Variants in ADSS1 observed in about 807,000 individuals in gnomAD.
ADSS1 encodes the protein adenylosuccinate synthase 1, also known as adenylosuccinate synthetase isozyme 1.
ADSS1 carries 57 observed loss-of-function variants against 59.1 expected under a neutral mutation model. The observed-to-expected ratio is 0.97, with a 90% confidence interval of 0.78 to 1.20. The LOEUF (loss-of-function observed/expected upper bound fraction) is 1.20. Ranked by LOEUF, ADSS1 falls within the 50% of genes most tolerant of loss-of-function variation. The pLI is 0.00. For missense variants in ADSS1, 603 were observed against 610.3 expected, an observed-to-expected ratio of 0.99 and a Z score of 0.13; for synonymous variants, 247 against 249.4, an observed-to-expected ratio of 0.99 and a Z score of 0.09.
chr14:104,734,909 A>T (rs1891060005), intron 1 of ADSS1, 111 bp from the exon 2 acceptor site: 2 of 892,870 alleles, frequency 2.2e-6, no homozygotes, highest in African/African-American at 3.3e-5. Flanking sequence ...GACACCCCAA[A>T]ATCCAACAGC....
rs1411657095 is a variant in ADSS1 at position 104,741,359 on chromosome 14, C to T, written c.793+116C>T. 27 of 1,364,854 alleles carry T rather than the reference C, an allele frequency of 2.0e-5. 1 individual carries two copies. In the South Asian group the frequency reaches 3.4e-4, roughly 17 times the overall value. 84.5% of individuals were successfully genotyped at this position (1,364,854 alleles called of 1,614,324 possible). ...GAGGGGCAGACCCGCTTTCCAAGGC[C>T]ACAGTGCCATCCATGCCCGCGGAAA... is the stretch of plus-strand genomic sequence containing the variant. On this transcript the variant is annotated intron_variant, in intron 8 of 12. Transcript: ENST00000330877.
intron 8 of ADSS1, 103 bp from the exon 9 acceptor site, chr14:104,741,745 G>T (rs745556613): frequency 5.4e-6 from 8 of 1,486,080 alleles, no homozygotes; most frequent in Non-Finnish European, 7.3e-6. Context: ...GGCCCCCCAC[G>T]GTTTGAACTG....
chr14:104,733,892 C>G (rs2140773570), intron 1 of ADSS1, among the ~76,000 whole-genome samples: 1 of 152,256 alleles, frequency 6.6e-6, no homozygotes. Context: ...CAGGAAGGGT[C>G]CCCCATGCCA....
At chr14:104,727,363 A>G (rs1322039318) in intron 1 of ADSS1, among the ~76,000 whole-genome samples, 1 of 150,754 alleles carries the variant, frequency 6.6e-6, no homozygotes, top group Non-Finnish European at 1.5e-5. Flanking sequence ...CCTCCATTCC[A>G]GGGCGGCTCT....
chr14:104,735,343 G>T (rs980276069), intron 2 of ADSS1, among the ~76,000 whole-genome samples: 5 of 152,206 alleles, frequency 3.3e-5, no homozygotes, highest in Non-Finnish European at 7.3e-5. Context: ...GGGCTGATGG[G>T]AGGAGGGGCA....
chr14:104,741,163 TTATG>T lies in ADSS1; in HGVS notation c.718_721del (p.Tyr240ArgfsTer30). On this transcript the variant is annotated frameshift_variant, in exon 8 of 13. Coordinates refer to ENST00000330877, the MANE Select transcript of ADSS1 (RefSeq NM_152328.5). LOFTEE classifies it high-confidence loss of function. The stretch of plus-strand genomic sequence containing the variant: ...CCCATGGTCCGAGATGGTGTTTACT[TTATG>T]TATGAGGCACTCCACGGCCCCCCCA... The T allele has an allele frequency of 3.7e-6, 6 of 1,612,214 alleles. No individual in the cohort carries two copies. Among genetic ancestry groups the T allele is most frequent in the Non-Finnish European group, 5.1e-6 (6 of 1,179,112 alleles).
At chr14:104,727,636 C>G (rs907704541) in intron 1 of ADSS1, among the ~76,000 whole-genome samples, 1 of 152,184 alleles carries the variant, frequency 6.6e-6, no homozygotes, top group African/African-American at 2.4e-5. Flanking sequence ...TCCTCCCTTG[C>G]GTCCATGGCG....
intron 1 of ADSS1, among the ~76,000 whole-genome samples, 182 bp downstream of exon 1, chr14:104,724,644 C>T (rs1416351040): frequency 6.6e-6 from 1 of 152,060 alleles, no homozygotes; most frequent in African/African-American, 2.4e-5. Flanking sequence ...CACACAACCC[C>T]CGACCCACAC....
chr14:104,725,252 G>A (rs985494951), intron 1 of ADSS1, among the ~76,000 whole-genome samples: 6 of 152,178 alleles, frequency 3.9e-5, no homozygotes, highest in East Asian at 3.8e-4. Flanking sequence ...GCACTCTCTC[G>A]GGCCGCCACC....
rs1268832847 is a variant in ADSS1 at position 104,746,976 on chromosome 14, A to C, written c.1347A>C (p.Ser449=). 2 of 1,614,104 alleles carry C rather than the reference A, an allele frequency of 1.2e-6. No individual in the cohort carries two copies. The highest frequency in any genetic ancestry group is 1.7e-6 in the Non-Finnish European group (2 of 1,179,956). The part of the protein sequence containing the change: ...VAVKWVGVGK[S]RESMIQLF ...TCAAATGGGTTGGTGTTGGCAAGTC[A>C]AGAGAGTCGATGATCCAGCTGTTTT... Residue 449 remains serine (S), a synonymous_variant, in exon 13 of 13, where the codon TCA becomes TCC. Coordinates refer to ENST00000330877, the MANE Select transcript of ADSS1 (RefSeq NM_152328.5).
chr14:104,738,579 C>T (rs936588059), intron 3 of ADSS1, 141 bp downstream of exon 3: 2 of 925,226 alleles, frequency 2.2e-6, no homozygotes, highest in African/African-American at 1.7e-5. Flanking sequence ...AGCTCATCAC[C>T]CGCCGGCTCT....
rs774970978 is a variant in ADSS1, at chr14:104,741,141, A to G, written c.691A>G (p.Met231Val). The change falls in exon 8 of 13, where the codon ATG becomes GTG. Residue 231 changes from methionine to valine, a missense_variant. Met to Val is a conservative substitution (Grantham distance 21). Transcript: ENST00000330877. ...GGGCTTTGCTGAGCGGATCAGACCC[A>G]TGGTCCGAGATGGTGTTTACTTTAT... ...LKGFAERIRPMVRDGVYFMYE... is the reference protein window; with the variant it reads ...LKGFAERIRPVVRDGVYFMYE... 5.6e-6 allele frequency: 9 copies of G among 1,609,212 alleles called. No individual in the cohort carries two copies. The highest frequency in any genetic ancestry group is 2.7e-5 in the African/African-American group (2 of 74,750).
At chr14:104,746,096 C>A in intron 11 of ADSS1, 140 bp from the exon 12 acceptor site, 1 of 1,102,616 alleles carries the variant, frequency 9.1e-7, no homozygotes, top group Non-Finnish European at 1.3e-6. Context: ...AACTGGGCCA[C>A]GTGCCCACTT....
intron 2 of ADSS1, among the ~76,000 whole-genome samples, chr14:104,736,505 G>C (rs1438439942): frequency 6.6e-6 from 1 of 152,184 alleles, no homozygotes; most frequent in African/African-American, 2.4e-5. Flanking sequence ...CGTGGCATTT[G>C]GGTGACCTTT....
intron 2 of ADSS1, among the ~76,000 whole-genome samples, chr14:104,735,788 C>A (rs564464412): frequency 6.6e-6 from 1 of 152,340 alleles, no homozygotes; most frequent in South Asian, 2.1e-4. Context: ...TGGCTCTTTC[C>A]CTCCTTCTCT....
chr14:104,732,275 T>G (rs1890959614), intron 1 of ADSS1, among the ~76,000 whole-genome samples: 2 of 152,160 alleles, frequency 1.3e-5, no homozygotes, highest in African/African-American at 4.8e-5. Context: ...CCAGCCCTCC[T>G]TGGATGCCTT....
intron 2 of ADSS1, among the ~76,000 whole-genome samples, chr14:104,736,129 C>T (rs567227945): frequency 6.6e-6 from 1 of 152,334 alleles, no homozygotes; most frequent in Non-Finnish European, 1.5e-5. Flanking sequence ...GAGTGACTCA[C>T]CCAAGACCAT....
At chr14:104,739,953 CAAA>C in intron 5 of ADSS1, 137 bp downstream of exon 5, 1 of 908,406 alleles carries the variant, frequency 1.1e-6, no homozygotes, top group Admixed American at 2.2e-5. Context: ...ATGGCACCGT[CAAA>C]ATTCCACAGC....
At chr14:104,725,137 C>T (rs373452865) in intron 1 of ADSS1, among the ~76,000 whole-genome samples, 4 of 152,280 alleles carry the variant, frequency 2.6e-5, no homozygotes, top group East Asian at 3.9e-4. Flanking sequence ...GCAGTGCCAC[C>T]GAGGAGGCCA....
Sources: allele counts gnomAD v4.1 joint callset (sites outside exome capture counted in the v4.1 genomes callset), GRCh38; gene constraint gnomAD v4.1.1; transcripts MANE v1.5; gene names NCBI Gene and HGNC (gene_info 2026-07-23, HGNC 2026-07-21).